Variants in TTC23 observed in about 807,000 individuals in gnomAD.
The protein encoded by TTC23 is tetratricopeptide repeat protein 23.
In TTC23, 58 loss-of-function variants were observed where a neutral mutation model predicts 55.1. That is an observed-to-expected ratio of 1.05 (90% confidence interval 0.85 to 1.31). The LOEUF (loss-of-function observed/expected upper bound fraction) is 1.31. TTC23 is among the 50% of genes most tolerant of loss of function. The pLI is 0.00. For missense variants in TTC23, 516 were observed against 534.4 expected, an observed-to-expected ratio of 0.97 and a Z score of 0.34; for synonymous variants, 203 against 199.9, an observed-to-expected ratio of 1.02 and a Z score of -0.13.
At chr15:99,194,276 A>C (rs985085826) in intron 9 of TTC23, among the ~76,000 whole-genome samples, 2 of 152,174 alleles carry the variant, frequency 1.3e-5, no homozygotes, top group Non-Finnish European at 2.9e-5. Flanking sequence ...ATGGAGAGGC[A>C]AAAGATCCAG....
At chr15:99,154,440 C>T (rs1389464391) in intron 12 of TTC23, among the ~76,000 whole-genome samples, 3 of 152,116 alleles carry the variant, frequency 2.0e-5, no homozygotes, top group African/African-American at 4.8e-5. Flanking sequence ...TGCCCTCATG[C>T]ATAGATTAAT....
At chr15:99,214,507 CAAAA>C (rs532096253) in intron 8 of TTC23, among the ~76,000 whole-genome samples, 1 of 99,012 alleles carries the variant, frequency 1.0e-5, no homozygotes, top group Admixed American at 1.2e-4. Flanking sequence ...GACTGCATCT[CAAAA>C]AAAAAAAAAA....
chr15:99,170,976 G>A (rs574728197), intron 10 of TTC23, among the ~76,000 whole-genome samples: 1 of 152,322 alleles, frequency 6.6e-6, no homozygotes, highest in South Asian at 2.1e-4. Flanking sequence ...CTATGTTCAT[G>A]GGGTAGGAAT....
intron 6 of TTC23, 34 bp downstream of exon 6, chr15:99,221,707 C>T (rs779302578): frequency 6.2e-7 from 1 of 1,612,186 alleles, no homozygotes; most frequent in Non-Finnish European, 8.5e-7. Flanking sequence ...CAGAAATCGA[C>T]CAACTGATCC....
chr15:99,174,892 G>C (rs947804808), intron 10 of TTC23, among the ~76,000 whole-genome samples, 158 bp downstream of exon 10: 1 of 152,208 alleles, frequency 6.6e-6, no homozygotes, highest in African/African-American at 2.4e-5. Flanking sequence ...TCAGAGGAAA[G>C]CAGCAGAGTA....
At chr15:99,180,344 TAA>T (rs902067812) in intron 9 of TTC23, among the ~76,000 whole-genome samples, 2 of 137,418 alleles carry the variant, frequency 1.5e-5, no homozygotes, top group Non-Finnish European at 3.2e-5. Flanking sequence ...GGTCATTAAT[TAA>T]AAAAAAAAAA....
At chr15:99,210,072 T>C (rs117549503) in intron 8 of TTC23, among the ~76,000 whole-genome samples, 3,479 of 152,198 alleles carry the variant, frequency 0.023, 67 homozygotes, top group Non-Finnish European at 0.031. Context: ...TTGATATATA[T>C]TATTATATGT....
At chr15:99,200,226 AT>A in intron 8 of TTC23, 130 bp from the exon 9 acceptor site, 1 of 806,968 alleles carries the variant, frequency 1.2e-6, no homozygotes, top group Non-Finnish European at 1.8e-6. Flanking sequence ...CTAACTAAGC[AT>A]TTCCTCCAAG....
At chr15:99,184,760 G>A (rs1596479443) in intron 9 of TTC23, among the ~76,000 whole-genome samples, 1 of 152,290 alleles carries the variant, frequency 6.6e-6, no homozygotes, top group East Asian at 1.9e-4. Flanking sequence ...GGAAGGGCAT[G>A]ACTATGTTTT....
chr15:99,201,314 C>G (rs2076179126), intron 8 of TTC23, among the ~76,000 whole-genome samples: 1 of 152,120 alleles, frequency 6.6e-6, no homozygotes, highest in Admixed American at 6.5e-5. Context: ...ATAATCTTCT[C>G]CAGCATATTT....
At chr15:99,164,235 C>A (rs956065597) in intron 10 of TTC23, among the ~76,000 whole-genome samples, 7 of 152,168 alleles carry the variant, frequency 4.6e-5, no homozygotes, top group African/African-American at 1.7e-4. Context: ...GCTGTATGAT[C>A]TCCATTGTTG....
intron 8 of TTC23, among the ~76,000 whole-genome samples, chr15:99,216,611 A>T (rs1453200536): frequency 1.3e-5 from 2 of 152,242 alleles, no homozygotes; most frequent in Non-Finnish European, 1.5e-5. Flanking sequence ...CAAGTGGCTA[A>T]GTCGTATATG....
At chr15:99,204,187 A>G (rs566258889) in intron 8 of TTC23, among the ~76,000 whole-genome samples, 1 of 152,202 alleles carries the variant, frequency 6.6e-6, no homozygotes, top group South Asian at 2.1e-4. Context: ...AGGCATTTTA[A>G]TCGGGGTGCG....
intron 11 of TTC23, chr15:99,159,069 T>A (rs2151889960): frequency 6.6e-6 from 1 of 152,464 alleles, no homozygotes; most frequent in African/African-American, 2.4e-5. Flanking sequence ...GGCCCTAGAA[T>A]GAAAAGAGCC....
At chr15:99,232,085 C>T (rs2078981059) in intron 4 of TTC23, among the ~76,000 whole-genome samples, 1 of 151,736 alleles carries the variant, frequency 6.6e-6, no homozygotes, top group East Asian at 1.9e-4. Context: ...AGCCACCATG[C>T]CTGGCCTGTG....
At chr15:99,229,958 C>T (rs181278285) in intron 4 of TTC23, among the ~76,000 whole-genome samples, 2 of 152,264 alleles carry the variant, frequency 1.3e-5, no homozygotes, top group Admixed American at 1.3e-4. Context: ...GAGGATAATA[C>T]TCAAGGATGT....
intron 4 of TTC23, among the ~76,000 whole-genome samples, chr15:99,233,423 T>C (rs1305888086): frequency 6.6e-6 from 1 of 152,078 alleles, no homozygotes; most frequent in Non-Finnish European, 1.5e-5. Context: ...AATTTGACAA[T>C]ACAGATGAAC....
intron 9 of TTC23, among the ~76,000 whole-genome samples, chr15:99,175,951 C>T (rs891744398): frequency 6.6e-6 from 1 of 152,154 alleles, no homozygotes; most frequent in African/African-American, 2.4e-5. Context: ...GCCGAGATTG[C>T]ACCACTGCAC....
intron 12 of TTC23, among the ~76,000 whole-genome samples, chr15:99,151,670 A>G (rs2069777692): frequency 6.6e-6 from 1 of 152,146 alleles, no homozygotes. Context: ...GTCAGTGACA[A>G]CCCAAAGACT....
Sources: allele counts gnomAD v4.1 joint callset (sites outside exome capture counted in the v4.1 genomes callset), GRCh38; gene constraint gnomAD v4.1.1; transcripts MANE v1.5; gene names NCBI Gene and HGNC (gene_info 2026-07-23, HGNC 2026-07-21).